C12orf75: variants seen among roughly 807,000 people sequenced by gnomAD.
The protein encoded by C12orf75 is chromosome 12 open reading frame 75.
In C12orf75, 4 loss-of-function variants were observed where a neutral mutation model predicts 11.4. The ratio of observed to expected loss-of-function variants is 0.35; its 90% CI spans 0.17 to 0.80. The LOEUF is 0.80. Ranked by LOEUF, C12orf75 falls within the 30% of genes least tolerant of loss-of-function variation. The pLI is 0.52. For missense variants in C12orf75, 89 were observed against 80.4 expected, an observed-to-expected ratio of 1.11 and a Z score of -0.41; for synonymous variants, 30 against 30.0, an observed-to-expected ratio of 1.00 and a Z score of 0.00.
chr12:105,345,467 G>A (rs1179519513), intron 1 of C12orf75, among the ~76,000 whole-genome samples: 1 of 151,824 alleles, frequency 6.6e-6, no homozygotes, highest in Non-Finnish European at 1.5e-5. Context: ...TCCAGCCTGG[G>A]TGGCAGCATA....
chr12:105,346,838 T>A (rs903639263), intron 1 of C12orf75, among the ~76,000 whole-genome samples: 1 of 152,244 alleles, frequency 6.6e-6, no homozygotes, highest in African/African-American at 2.4e-5. Context: ...TCTTCCTTTA[T>A]TTTTACACCT....
chr12:105,348,661 C>T (rs1051528183), intron 2 of C12orf75, 35 bp downstream of exon 2: 1 of 1,473,690 alleles, frequency 6.8e-7, no homozygotes, highest in East Asian at 2.5e-5. Flanking sequence ...TATAAGCTGT[C>T]TTTCTGAGGA....
intron 1 of C12orf75, among the ~76,000 whole-genome samples, chr12:105,331,993 A>C (rs767005514): frequency 6.6e-6 from 1 of 152,206 alleles, no homozygotes; most frequent in African/African-American, 2.4e-5. Context: ...AGACGCCGGT[A>C]AAAAATGGAG....
At chr12:105,347,819 T>C (rs1274997698) in intron 1 of C12orf75, among the ~76,000 whole-genome samples, 1 of 152,238 alleles carries the variant, frequency 6.6e-6, no homozygotes, top group Non-Finnish European at 1.5e-5. Flanking sequence ...TGCATGTGAC[T>C]CTTTTTGGAG....
intron 1 of C12orf75, among the ~76,000 whole-genome samples, chr12:105,332,895 A>G: frequency 6.6e-6 from 1 of 150,442 alleles, no homozygotes; most frequent in African/African-American, 2.4e-5. Flanking sequence ...TTTCCCTAGG[A>G]GCATCTCTCT....
At chr12:105,358,972 T>A (rs955455298) in intron 2 of C12orf75, among the ~76,000 whole-genome samples, 3 of 152,206 alleles carry the variant, frequency 2.0e-5, no homozygotes, top group Non-Finnish European at 4.4e-5. Context: ...CCTTGGGTCT[T>A]CCTTCCCCTT....
At chr12:105,358,382 T>C (rs1892814448) in intron 2 of C12orf75, among the ~76,000 whole-genome samples, 1 of 151,972 alleles carries the variant, frequency 6.6e-6, no homozygotes, top group African/African-American at 2.4e-5. Context: ...GTTAGCCAGG[T>C]GCGGGGTGTG....
intron 4 of C12orf75, among the ~76,000 whole-genome samples, chr12:105,367,010 G>A (rs1871497538): frequency 6.6e-6 from 1 of 152,198 alleles, no homozygotes; most frequent in South Asian, 2.1e-4. Context: ...TCATAGAACA[G>A]AAAGGTAAAT....
chr12:105,340,486 T>C (rs903697208), intron 1 of C12orf75, among the ~76,000 whole-genome samples: 15 of 151,940 alleles, frequency 9.9e-5, no homozygotes, highest in Non-Finnish European at 1.5e-5. Flanking sequence ...TGGCTTGTGT[T>C]ATCATTCACG....
intron 2 of C12orf75, among the ~76,000 whole-genome samples, chr12:105,355,957 T>G (rs1892776280): frequency 6.6e-6 from 1 of 152,168 alleles, no homozygotes; most frequent in Non-Finnish European, 1.5e-5. Flanking sequence ...TCCTTTGAAG[T>G]GAATGTTACT....
intron 2 of C12orf75, among the ~76,000 whole-genome samples, chr12:105,352,614 C>CT (rs1892726548): frequency 6.6e-6 from 1 of 151,882 alleles, no homozygotes; most frequent in Non-Finnish European, 1.5e-5. Context: ...TTCCTTTTGT[C>CT]TTTTTTTAAA....
At chr12:105,344,962 A>C in intron 1 of C12orf75, among the ~76,000 whole-genome samples, 1 of 110,208 alleles carries the variant, frequency 9.1e-6, no homozygotes, top group African/African-American at 3.2e-5. Context: ...TGAAAATTCT[A>C]AGCCCCCCCC....
At chr12:105,338,948 T>G (rs1237876689) in intron 1 of C12orf75, among the ~76,000 whole-genome samples, 1 of 152,228 alleles carries the variant, frequency 6.6e-6, no homozygotes, top group Non-Finnish European at 1.5e-5. Flanking sequence ...TGAGATTTTC[T>G]ATAAGAGCTT....
intron 2 of C12orf75, among the ~76,000 whole-genome samples, chr12:105,352,353 T>C (rs939061907): frequency 1.3e-5 from 2 of 152,156 alleles, no homozygotes; most frequent in Non-Finnish European, 1.5e-5. Flanking sequence ...GTTTTTATGC[T>C]GTTTGGCGGT....
intron 1 of C12orf75, among the ~76,000 whole-genome samples, chr12:105,333,630 G>T (rs1395505094): frequency 1.3e-5 from 2 of 152,088 alleles, no homozygotes; most frequent in African/African-American, 4.8e-5. Context: ...ATTATTGTGG[G>T]TGTTTCATTT....
In C12orf75 at chr12:105,330,789, C is replaced by T. The variant is rs1892410206; in HGVS notation, c.-103C>T. 2 of 1,154,972 alleles carry T rather than the reference C, an allele frequency of 1.7e-6. No homozygotes were observed. Among genetic ancestry groups the T allele is most frequent in the African/African-American group, 1.6e-5 (1 of 62,054 alleles). The allele number at this position is 1,154,972 out of a possible 1,614,324, so 71.5% of individuals were successfully genotyped here. Reference sequence around the variant, plus strand: ...ACTCGGTTCCTGGCCCCTCGCGGCCCCGTCAGCCTCCCGCTCGGGGTGCGC... The same window carrying T: ...ACTCGGTTCCTGGCCCCTCGCGGCCTCGTCAGCCTCCCGCTCGGGGTGCGC... On this transcript the variant is annotated 5_prime_UTR_variant, in exon 1 of 6. Transcript: ENST00000443585.
At chr12:105,369,873 T>G (rs1871580737) in intron 5 of C12orf75, among the ~76,000 whole-genome samples, 1 of 152,204 alleles carries the variant, frequency 6.6e-6, no homozygotes, top group Non-Finnish European at 1.5e-5. Context: ...TTTCTAGGCC[T>G]TAGTTGTTGG....
At chr12:105,368,258 C>T (rs1325512611) in intron 5 of C12orf75, among the ~76,000 whole-genome samples, 2 of 152,180 alleles carry the variant, frequency 1.3e-5, no homozygotes, top group Admixed American at 6.5e-5. Flanking sequence ...GGTCCAACAA[C>T]ACATTCCATG....
At chr12:105,332,788 G>A (rs2136138542) in intron 1 of C12orf75, among the ~76,000 whole-genome samples, 1 of 151,330 alleles carries the variant, frequency 6.6e-6, no homozygotes, top group African/African-American at 2.4e-5. Context: ...AAGGTATGAT[G>A]AGCTAGCTCT....
Sources: allele counts gnomAD v4.1 joint callset (sites outside exome capture counted in the v4.1 genomes callset), GRCh38; gene constraint gnomAD v4.1.1; transcripts MANE v1.5; gene names NCBI Gene and HGNC (gene_info 2026-07-23, HGNC 2026-07-21).